The following SASH1 variants were observed in gnomAD, a reference collection of about 807,000 sequenced individuals.
The protein encoded by SASH1 is SAM and SH3 domain-containing protein 1.
SASH1 carries 44 observed loss-of-function variants against 125.2 expected under a neutral mutation model. The ratio of observed to expected loss-of-function variants is 0.35; its 90% confidence interval spans 0.28 to 0.45. SASH1 has a LOEUF of 0.45. Among genes scored for constraint, SASH1 ranks in the 20% least tolerant of loss-of-function variants. SASH1 has a pLI of 1.00. For synonymous variants in SASH1, 639 were observed against 649.1 expected (o/e 0.98, Z 0.24); for missense variants, 1,426 against 1,614.5 (o/e 0.88, Z 2.00).
chr6:148,337,476 G>A (rs1781195171), intron 1 of SASH1, among the ~76,000 whole-genome samples: 4 of 151,952 alleles, frequency 2.6e-5, no homozygotes, highest in Admixed American at 6.6e-5. Context: ...CGCCCACCTC[G>A]GCCTCCCAAA....
chr6:148,438,636 A>G (rs1014225784), intron 2 of SASH1, among the ~76,000 whole-genome samples: 1 of 151,164 alleles, frequency 6.6e-6, no homozygotes, highest in Non-Finnish European at 1.5e-5. Flanking sequence ...CTTGTCCATT[A>G]AAACCCATTT....
At chr6:148,318,190 G>A (rs1780530140) in intron 1 of SASH1, among the ~76,000 whole-genome samples, 1 of 152,138 alleles carries the variant, frequency 6.6e-6, no homozygotes, top group African/African-American at 2.4e-5. Context: ...GGCTGGCATT[G>A]AATTTGTCTC....
intron 1 of SASH1, among the ~76,000 whole-genome samples, chr6:148,374,394 C>T (rs1782810839): frequency 6.6e-6 from 1 of 152,126 alleles, no homozygotes; most frequent in Non-Finnish European, 1.5e-5. Context: ...AAATGAATTG[C>T]TCTTTCAAAA....
rs77973346 is a variant in SASH1, at chr6:148,379,386, C to T, written c.157-10748C>T. Among the ~76,000 whole-genome samples the T allele has an allele frequency of 5.3e-5, 8 of 152,192 alleles. No homozygotes were observed. In the East Asian group the frequency reaches 1.2e-3, roughly 22 times the overall value. On this transcript the variant is annotated intron_variant, in intron 1 of 19. Coordinates refer to ENST00000367467, the MANE Select transcript of SASH1 (RefSeq NM_015278.5). ...TTCCTACCCCCTTCCCTCAGATCTT[C>T]GTTTGTTATTGTTTCTAATGATATA... is the stretch of plus-strand genomic sequence containing the variant.
intron 2 of SASH1, among the ~76,000 whole-genome samples, chr6:148,431,567 A>C (rs543110185): frequency 2.6e-5 from 4 of 152,148 alleles, no homozygotes; most frequent in Admixed American, 6.6e-5. Flanking sequence ...TAGAGAAGTC[A>C]GACAAGAGTG....
chr6:148,458,420 CG>C (rs1371449685), intron 4 of SASH1, among the ~76,000 whole-genome samples: 5 of 152,074 alleles, frequency 3.3e-5, no homozygotes, highest in African/African-American at 1.2e-4. Context: ...CAAACAAACT[CG>C]GGACTCTGTA....
chr6:148,491,697 A>G (rs933946384), intron 8 of SASH1, among the ~76,000 whole-genome samples: 1 of 152,144 alleles, frequency 6.6e-6, no homozygotes, highest in Non-Finnish European at 1.5e-5. Context: ...TAATCCTCCC[A>G]TCATCTCCCA....
chr6:148,342,915 C>T lies in SASH1; in HGVS notation c.-153C>T. ...GGTGCGGGCGCCTGCGAAGGGCCCC[C>T]GCGGGGTGGCCGGGGCCGCCGGGGC... is the stretch of plus-strand genomic sequence containing the variant. On this transcript the variant is annotated 5_prime_UTR_variant, in exon 1 of 20. Transcript: ENST00000367467. The T allele has an allele frequency of 1.6e-6, 1 of 641,746 alleles. No homozygotes were observed. Among genetic ancestry groups the T allele is most frequent in the Non-Finnish European group, 1.9e-6 (1 of 516,028 alleles). The allele number at this position is 641,746 out of a possible 1,614,324, so 39.8% of individuals were successfully genotyped here.
upstream of SASH1, among the ~76,000 whole-genome samples, chr6:148,269,444 A>G (rs953771190): frequency 6.6e-6 from 1 of 152,150 alleles, no homozygotes; most frequent in African/African-American, 2.4e-5. Context: ...AAATGTTTCA[A>G]ATAGTTTATA....
the SASH1 span, among the ~76,000 whole-genome samples, chr6:148,255,751 T>G: frequency 6.6e-6 from 1 of 152,124 alleles, no homozygotes; most frequent in Non-Finnish European, 1.5e-5. Context: ...CAGGTGATTC[T>G]CCCACCTCAG....
intron 1 of SASH1, among the ~76,000 whole-genome samples, chr6:148,308,731 G>C (rs1780213365): frequency 6.6e-6 from 1 of 151,320 alleles, no homozygotes; most frequent in Non-Finnish European, 1.5e-5. Flanking sequence ...CTGCTTTACT[G>C]TCTTGTGATG....
chr6:148,514,345 G>A lies in SASH1; in HGVS notation c.751G>A (p.Glu251Lys). ...NCNSREQSDDETEESVKFKRL... is the reference protein window; with the variant it reads ...NCNSREQSDDKTEESVKFKRL... ...CCAGTCAAGAGAACAATCGGATGATGAGACTGAGGAGTCGGTGAAGTTTAA... is the reference window on the plus strand; with the variant it reads ...CCAGTCAAGAGAACAATCGGATGATAAGACTGAGGAGTCGGTGAAGTTTAA... Residue 251 changes from glutamate (E) to lysine (K), a missense_variant, in exon 9 of 20, where the codon GAG becomes AAG. Glu to Lys is a moderately conservative substitution (Grantham distance 56). Coordinates refer to ENST00000367467, the MANE Select transcript of SASH1 (RefSeq NM_015278.5). 6.2e-7 allele frequency: 1 copy of A among 1,607,518 alleles called. No individual in the cohort carries two copies. The highest frequency in any genetic ancestry group is 2.2e-5 in the East Asian group (1 of 44,518).
chr6:148,289,241 C>A (rs1779562222), intron 1 of SASH1, among the ~76,000 whole-genome samples: 1 of 152,110 alleles, frequency 6.6e-6, no homozygotes, highest in South Asian at 2.1e-4. Context: ...AACTGAGAAG[C>A]ATTTTATACT....
intron 1 of SASH1, among the ~76,000 whole-genome samples, chr6:148,361,041 A>G (rs1782183018): frequency 6.6e-6 from 1 of 152,184 alleles, no homozygotes; most frequent in African/African-American, 2.4e-5. Flanking sequence ...AAGTAAAGAC[A>G]CCCACAGAGA....
intron 4 of SASH1, among the ~76,000 whole-genome samples, chr6:148,444,294 A>G (rs781676018): frequency 1.2e-4 from 19 of 152,194 alleles, no homozygotes; most frequent in Non-Finnish European, 2.2e-4. Flanking sequence ...TGTCAGTAGT[A>G]TTTAGCATTT....
At chr6:148,275,125 T>G (rs558921012) in intron 1 of SASH1, among the ~76,000 whole-genome samples, 1 of 152,278 alleles carries the variant, frequency 6.6e-6, no homozygotes, top group South Asian at 2.1e-4. Context: ...GAATGCAAAT[T>G]TATCCTAAAA....
intron 1 of SASH1, among the ~76,000 whole-genome samples, chr6:148,374,222 G>A (rs1257607590): frequency 6.6e-6 from 1 of 152,164 alleles, no homozygotes; most frequent in African/African-American, 2.4e-5. Flanking sequence ...AGTTTGGGTA[G>A]GTGATAGGCA....
At chr6:148,220,744 G>A in the SASH1 span, among the ~76,000 whole-genome samples, 4,678 of 152,076 alleles carry the variant, frequency 0.031, 174 homozygotes, top group African/African-American at 0.095. Context: ...GTGAAACCCC[G>A]TCTCTACTAA....
At chr6:148,473,896 C>A (rs12191384) in intron 6 of SASH1, among the ~76,000 whole-genome samples, 6,495 of 152,252 alleles carry the variant, frequency 0.043, 177 homozygotes, top group Admixed American at 0.073. Context: ...GTGACACCCA[C>A]GTGTTCTGCA....
Sources: allele counts gnomAD v4.1 joint callset (sites outside exome capture counted in the v4.1 genomes callset), GRCh38; gene constraint gnomAD v4.1.1; transcripts MANE v1.5; gene names NCBI Gene and HGNC (gene_info 2026-07-23, HGNC 2026-07-21).